SLC5A4: variants seen among roughly 807,000 people sequenced by gnomAD.
The protein encoded by SLC5A4 is solute carrier family 5 member 4, also known as probable glucose sensor protein SLC5A4.
A neutral mutation model predicts 70.3 loss-of-function variants in SLC5A4; 55 were observed. That is an observed-to-expected ratio of 0.78 (90% CI 0.63 to 0.98). The LOEUF is 0.98. Ranked by LOEUF, SLC5A4 falls within the 50% of genes least tolerant of loss-of-function variation. The probability of loss-of-function intolerance (pLI) is 0.00; values close to 1 mark genes in which losing one functional copy is unlikely to be tolerated. For missense variants in SLC5A4, 735 were observed against 839.2 expected, an observed-to-expected ratio of 0.88 and a Z score of 1.53; for synonymous variants, 268 against 305.7, an observed-to-expected ratio of 0.88 and a Z score of 1.29.
chr22:32,252,188 C>G (rs1310779965), intron 2 of SLC5A4, among the ~76,000 whole-genome samples: 1 of 151,114 alleles, frequency 6.6e-6, no homozygotes, highest in Non-Finnish European at 1.5e-5. Flanking sequence ...GGAGATCGCG[C>G]CACTGCACTC....
At chr22:32,291,542 CAACTTGGGGAAAAT>C in the SLC5A4 span, among the ~76,000 whole-genome samples, 1 of 152,142 alleles carries the variant, frequency 6.6e-6, no homozygotes, top group African/African-American at 2.4e-5. Flanking sequence ...ACTTGTGTAT[CAACTTGGGGAAAAT>C]TGACACATTT....
chr22:32,333,201 C>T, the SLC5A4 span, among the ~76,000 whole-genome samples: 2 of 147,294 alleles, frequency 1.4e-5, no homozygotes, highest in Non-Finnish European at 3.0e-5. Context: ...CTGGCACCCC[C>T]CCCCCAGAAG....
the SLC5A4 span, among the ~76,000 whole-genome samples, chr22:32,340,408 C>T: frequency 6.6e-6 from 1 of 152,286 alleles, no homozygotes; most frequent in Non-Finnish European, 1.5e-5. Flanking sequence ...GTTCTATATG[C>T]TGGGGTCACA....
At chr22:32,225,504 A>G (rs1925339716) in intron 12 of SLC5A4, 151 bp downstream of exon 12, 4 of 602,810 alleles carry the variant, frequency 6.6e-6, no homozygotes, top group South Asian at 2.1e-5. Flanking sequence ...TACTTTAGCA[A>G]GGATCAGGAA....
the SLC5A4 span, among the ~76,000 whole-genome samples, chr22:32,284,007 C>A: frequency 6.6e-6 from 1 of 151,064 alleles, no homozygotes; most frequent in East Asian, 2.0e-4. Flanking sequence ...AATATAGAAC[C>A]ACAGAATCAT....
intron 5 of SLC5A4, among the ~76,000 whole-genome samples, chr22:32,239,552 A>ATATATATT (rs1926315580): frequency 1.3e-4 from 2 of 15,172 alleles, no homozygotes; most frequent in Non-Finnish European, 2.1e-4. Context: ...ATATATATAT[A>ATATATATT]TATATATATA....
At chr22:32,332,524 G>A in the SLC5A4 span, among the ~76,000 whole-genome samples, 2 of 152,222 alleles carry the variant, frequency 1.3e-5, no homozygotes, top group African/African-American at 4.8e-5. Flanking sequence ...TGGATGCCCA[G>A]CTGAGGGCCT....
the SLC5A4 span, among the ~76,000 whole-genome samples, chr22:32,336,014 CA>C: frequency 2.1e-4 from 32 of 152,298 alleles, no homozygotes; most frequent in African/African-American, 6.5e-4. Context: ...CAGTTAAGAC[CA>C]GGGGTGAAAT....
the SLC5A4 span, among the ~76,000 whole-genome samples, chr22:32,323,586 G>A: frequency 6.6e-6 from 1 of 152,240 alleles, no homozygotes; most frequent in Non-Finnish European, 1.5e-5. Flanking sequence ...CACGGACGGT[G>A]CCATTAGGCT....
the SLC5A4 span, among the ~76,000 whole-genome samples, chr22:32,335,338 A>AT: frequency 6.8e-6 from 1 of 147,360 alleles, no homozygotes; most frequent in African/African-American, 2.6e-5. Context: ...CTAGCACAGT[A>AT]TCTCCTCCTT....
At chr22:32,241,572 C>G (rs1406407401) in intron 5 of SLC5A4, among the ~76,000 whole-genome samples, 1 of 152,120 alleles carries the variant, frequency 6.6e-6, no homozygotes, top group Non-Finnish European at 1.5e-5. Context: ...CAGCCGGGCA[C>G]AGTGGCTCAT....
At chr22:32,309,044 T>C in the SLC5A4 span, among the ~76,000 whole-genome samples, 1 of 152,152 alleles carries the variant, frequency 6.6e-6, no homozygotes, top group African/African-American at 2.4e-5. Flanking sequence ...GTTCATGTTA[T>C]GCTAATTTCA....
chr22:32,322,577 C>T, the SLC5A4 span, among the ~76,000 whole-genome samples: 1 of 137,422 alleles, frequency 7.3e-6, no homozygotes, highest in Non-Finnish European at 1.6e-5. Flanking sequence ...CAGAGCAAGA[C>T]TCTGTCTCAA....
intron 5 of SLC5A4, among the ~76,000 whole-genome samples, chr22:32,242,523 C>A (rs1161249014): frequency 6.6e-6 from 1 of 152,132 alleles, no homozygotes; most frequent in Non-Finnish European, 1.5e-5. Flanking sequence ...GCCTGACAAG[C>A]ATGGCGAAAC....
chr22:32,266,407 T>C, the SLC5A4 span, among the ~76,000 whole-genome samples: 1 of 152,172 alleles, frequency 6.6e-6, no homozygotes, highest in Non-Finnish European at 1.5e-5. Context: ...AGTTTCACTA[T>C]TACTTCATTT....
the SLC5A4 span, among the ~76,000 whole-genome samples, chr22:32,266,228 G>A: frequency 2.0e-5 from 3 of 152,164 alleles, no homozygotes; most frequent in Non-Finnish European, 4.4e-5. Context: ...CAGAAATGAT[G>A]ACTAACTGAG....
chr22:32,331,861 G>T, the SLC5A4 span, among the ~76,000 whole-genome samples: 5 of 152,018 alleles, frequency 3.3e-5, no homozygotes, highest in Admixed American at 3.3e-4. Context: ...GGTGGGGGCT[G>T]CTCCTCCCCA....
the SLC5A4 span, among the ~76,000 whole-genome samples, chr22:32,306,303 A>AAAAT: frequency 0.15 from 22,272 of 148,188 alleles, 1,854 homozygotes; most frequent in East Asian, 0.33. Flanking sequence ...ATCTCTACTA[A>AAAAT]AAATACAAAA....
the SLC5A4 span, chr22:32,271,837 C>A: frequency 1.1e-4 from 65 of 609,186 alleles, no homozygotes; most frequent in Non-Finnish European, 6.4e-6. Flanking sequence ...CGTGGCCTGT[C>A]AGGAAGATCC....
Sources: gnomAD v4.1 joint callset for allele counts (sites outside exome capture counted in the v4.1 genomes callset) on GRCh38, gnomAD v4.1.1 for gene constraint, MANE v1.5 for transcripts, NCBI Gene and HGNC (gene_info 2026-07-23, HGNC 2026-07-21) for gene names.